The following LRRC4C variants were observed in gnomAD, a reference collection of about 807,000 sequenced individuals.
LRRC4C encodes leucine rich repeat containing 4C, also known as leucine-rich repeat-containing protein 4C.
In LRRC4C, 5 loss-of-function variants were observed where a neutral mutation model predicts 33.6. The ratio of observed to expected loss-of-function variants is 0.15; its 90% CI spans 0.08 to 0.31. The LOEUF (loss-of-function observed/expected upper bound fraction) is 0.31. Among genes scored for constraint, LRRC4C ranks in the 10% least tolerant of loss-of-function variants. The pLI is 1.00. For missense variants in LRRC4C, 560 were observed against 796.7 expected (o/e 0.70, Z 3.58); for synonymous variants, 329 against 302.0 (o/e 1.09, Z -0.93).
chr11:40,907,514 G>A (rs1234873523), intron 2 of LRRC4C, among the ~76,000 whole-genome samples: 1 of 152,156 alleles, frequency 6.6e-6, no homozygotes, highest in Non-Finnish European at 1.5e-5. Context: ...TTAATAAGAA[G>A]TTGCATATCC....
chr11:40,811,815 C>T (rs755187925), intron 2 of LRRC4C, among the ~76,000 whole-genome samples: 3 of 152,118 alleles, frequency 2.0e-5, no homozygotes, highest in Non-Finnish European at 4.4e-5. Flanking sequence ...CTACTTTAGG[C>T]AGGCTGCTCC....
chr11:40,984,367 GAAAGAAAGAAAGAAAGA>G (rs1852797651), intron 1 of LRRC4C, among the ~76,000 whole-genome samples: 1 of 96,486 alleles, frequency 1.0e-5, no homozygotes, highest in Admixed American at 1.1e-4. Context: ...AAAGAAAAAA[GAAAGAAAGAAAGAAAGA>G]AAGAAAGAAA....
chr11:40,750,808 G>GAAAAAAAAAAAAAAAAAAA (rs57426456), intron 2 of LRRC4C, among the ~76,000 whole-genome samples: 1 of 136,158 alleles, frequency 7.3e-6, no homozygotes. Context: ...ATAATAAAAA[G>GAAAAAAAAAAAAAAAAAAA]AAAAAAAAAA....
intron 1 of LRRC4C, among the ~76,000 whole-genome samples, chr11:41,292,250 G>A (rs185430255): frequency 2.4e-3 from 361 of 152,128 alleles, no homozygotes; most frequent in Non-Finnish European, 4.0e-3. Context: ...GCAGAAGTTC[G>A]AGCCTAATTA....
At chr11:40,901,560 T>A (rs1956200865) in intron 2 of LRRC4C, among the ~76,000 whole-genome samples, 1 of 152,078 alleles carries the variant, frequency 6.6e-6, no homozygotes, top group South Asian at 2.1e-4. Context: ...CTACCAGTTT[T>A]TTTTCTCCCA....
chr11:40,451,102 A>T (rs1951862258), intron 3 of LRRC4C, among the ~76,000 whole-genome samples: 1 of 151,838 alleles, frequency 6.6e-6, no homozygotes, highest in African/African-American at 2.4e-5. Context: ...AGCTTATTTA[A>T]CAATGAAAAA....
chr11:41,260,778 G>T (rs188284251), intron 1 of LRRC4C, among the ~76,000 whole-genome samples: 2 of 152,134 alleles, frequency 1.3e-5, no homozygotes. Flanking sequence ...CCCAAACCTA[G>T]CAGTAGAGAA....
At chr11:41,376,146 A>C (rs1180154405) in intron 1 of LRRC4C, among the ~76,000 whole-genome samples, 3 of 152,112 alleles carry the variant, frequency 2.0e-5, no homozygotes, top group Admixed American at 6.6e-5. Context: ...AAGAAAAAAA[A>C]AATAAACTCT....
intron 6 of LRRC4C, among the ~76,000 whole-genome samples, chr11:40,131,476 AT>A (rs1446219957): frequency 6.6e-6 from 1 of 152,208 alleles, no homozygotes; most frequent in Non-Finnish European, 1.5e-5. Flanking sequence ...AGTATCTTGT[AT>A]ATTATGTATG....
At chr11:40,561,086 T>C (rs1472566917) in intron 3 of LRRC4C, among the ~76,000 whole-genome samples, 2 of 152,186 alleles carry the variant, frequency 1.3e-5, no homozygotes, top group Non-Finnish European at 2.9e-5. Flanking sequence ...AAATTGATAT[T>C]GGTCAAACTT....
chr11:41,319,725 A>AT lies in LRRC4C; in HGVS notation c.-496+139705dup, dbSNP rs199765125. ...ACCATCACGCCCAGCTAATTTTTGT[A>AT]TTTTTTGTAAAGATGGGGTCTTCCT... is the stretch of plus-strand genomic sequence containing the variant. On this transcript the variant is annotated intron_variant, in intron 1 of 6. Coordinates refer to ENST00000528697, the MANE Select transcript of LRRC4C (RefSeq NM_001258419.2). Among the ~76,000 whole-genome samples, 658 of 152,012 alleles carry AT rather than the reference A, an allele frequency of 4.3e-3. 4 individuals are homozygous for AT. The highest frequency in any genetic ancestry group is 0.015 in the African/African-American group (625 of 41,442).
At chr11:40,959,536 T>C (rs1959106315) in intron 1 of LRRC4C, among the ~76,000 whole-genome samples, 1 of 151,758 alleles carries the variant, frequency 6.6e-6, no homozygotes, top group Non-Finnish European at 1.5e-5. Flanking sequence ...AATATATTAA[T>C]TTTGCATTAA....
intron 1 of LRRC4C, among the ~76,000 whole-genome samples, chr11:40,964,480 A>G (rs912306178): frequency 6.7e-6 from 1 of 149,654 alleles, no homozygotes; most frequent in African/African-American, 2.4e-5. Context: ...TTAACTCGTC[A>G]TTTAGCATTA....
At chr11:40,738,208 G>T (rs1464578572) in intron 2 of LRRC4C, among the ~76,000 whole-genome samples, 3 of 152,044 alleles carry the variant, frequency 2.0e-5, no homozygotes. Context: ...TACACCTTTT[G>T]CAAAAATTAA....
chr11:40,324,354 A>AG (rs1215579823), intron 3 of LRRC4C, among the ~76,000 whole-genome samples: 1 of 152,220 alleles, frequency 6.6e-6, no homozygotes, highest in Non-Finnish European at 1.5e-5. Context: ...AGATGTCAAA[A>AG]GAGGCCTTAG....
chr11:40,423,339 CTTTTTTTTTT>C (rs35819704), intron 3 of LRRC4C, among the ~76,000 whole-genome samples: 4 of 90,932 alleles, frequency 4.4e-5, no homozygotes, highest in Non-Finnish European at 8.2e-5. Context: ...TGTTCATGTT[CTTTTTTTTTT>C]TTTTTTTTTT....
intron 1 of LRRC4C, among the ~76,000 whole-genome samples, chr11:41,241,318 C>G (rs1175785447): frequency 6.6e-6 from 1 of 152,076 alleles, no homozygotes; most frequent in African/African-American, 2.4e-5. Context: ...GAATAACTAA[C>G]CAGGTTTTTA....
chr11:40,463,676 C>T (rs1185865675), intron 3 of LRRC4C, among the ~76,000 whole-genome samples: 1 of 151,982 alleles, frequency 6.6e-6, no homozygotes, highest in Non-Finnish European at 1.5e-5. Flanking sequence ...CTTAGAGCTA[C>T]AAAATGCTCA....
At chr11:40,595,022 A>G (rs1281460927) in intron 3 of LRRC4C, among the ~76,000 whole-genome samples, 1 of 152,100 alleles carries the variant, frequency 6.6e-6, no homozygotes, top group Non-Finnish European at 1.5e-5. Context: ...TAAATATTGA[A>G]TAGTTTTTTT....
Sources: gnomAD v4.1 joint callset for allele counts (sites outside exome capture counted in the v4.1 genomes callset) on GRCh38, gnomAD v4.1.1 for gene constraint, MANE v1.5 for transcripts, NCBI Gene and HGNC (gene_info 2026-07-23, HGNC 2026-07-21) for gene names.